The following CELF2 variants were observed in gnomAD, a reference collection of about 807,000 sequenced individuals.
CELF2 encodes CUGBP Elav-like family member 2, also known as CUG triplet repeat RNA-binding protein 2.
CELF2 carries 8 observed loss-of-function variants against 62.6 expected under a neutral mutation model. That is an observed-to-expected ratio of 0.13 (90% CI 0.07 to 0.23). The LOEUF is 0.23. Among genes scored for constraint, CELF2 ranks in the 10% least tolerant of loss-of-function variants. The probability of loss-of-function intolerance (pLI) is 1.00; values close to 1 mark genes in which losing one functional copy is unlikely to be tolerated. For synonymous variants in CELF2, 258 were observed against 250.0 expected, an observed-to-expected ratio of 1.03 and a Z score of -0.30; for missense variants, 333 against 671.0, an observed-to-expected ratio of 0.50 and a Z score of 5.56.
At chr10:11,031,684 A>G (rs1265390328) in intron 1 of CELF2, among the ~76,000 whole-genome samples, 1 of 152,164 alleles carries the variant, frequency 6.6e-6, no homozygotes, top group Non-Finnish European at 1.5e-5. Context: ...AACATTATCT[A>G]TAATTACATT....
chr10:10,485,609 A>G, the CELF2 span, among the ~76,000 whole-genome samples: 5 of 152,238 alleles, frequency 3.3e-5, no homozygotes, highest in Non-Finnish European at 4.4e-5. Context: ...TATTTGTGGC[A>G]CTAGCAGCTT....
chr10:11,197,028 A>AAAGAAAGAAGGAAAGAAG lies in CELF2; in HGVS notation c.272-20397_272-20396insAAGAAAGAAGGAAAGAAG, dbSNP rs1565231131. On this transcript the variant is annotated intron_variant, in intron 2 of 12. Transcript: ENST00000633077. ...AGAAAGAAAGAAAGAAAGAAAGAAA[A>AAAGAAAGAAGGAAAGAAG]GAAAGAAAGAAAGAAAGAAAGAAAG... is the stretch of plus-strand genomic sequence containing the variant. Among the ~76,000 whole-genome samples the AAAGAAAGAAGGAAAGAAG allele has an allele frequency of 6.7e-4, 14 of 20,982 alleles. 2 individuals are homozygous for AAAGAAAGAAGGAAAGAAG. Among genetic ancestry groups the AAAGAAAGAAGGAAAGAAG allele is most frequent in the African/African-American group, 5.4e-3 (14 of 2,598 alleles). 13.8% of individuals were successfully genotyped at this position (20,982 alleles called of 152,430 possible).
Position 10,931,481 on chromosome 10 carries a change from A to G in CELF2, c.89+11482A>G, listed in dbSNP as rs963912020. Among the ~76,000 whole-genome samples, 4 of 152,172 alleles carry G rather than the reference A, an allele frequency of 2.6e-5. No individual in the cohort carries two copies. Among genetic ancestry groups the G allele is most frequent in the African/African-American group, 9.7e-5 (4 of 41,438 alleles). On this transcript the variant is annotated intron_variant, in intron 2 of 13. Coordinates refer to the CELF2 transcript ENST00000636488. This position sits in a 1 kb window ranked among gnomAD's most constrained non-coding sequence, Gnocchi z 6.1. The stretch of plus-strand genomic sequence containing the variant: ...AAGTGGAAACTCTATTTACCACCAC[A>G]GTTATAGCATTTGAGACCCTCCCTC...
chr10:11,133,510 GGGAAAGTTGTACATAC>G (rs1276203211), intron 1 of CELF2, among the ~76,000 whole-genome samples: 1 of 152,174 alleles, frequency 6.6e-6, no homozygotes, highest in African/African-American at 2.4e-5. Flanking sequence ...TCATTGTAAA[GGGAAAGTTGTACATAC>G]GTATACAAGA....
chr10:10,849,778 C>T (rs1237645767), intron 1 of CELF2, among the ~76,000 whole-genome samples: 3 of 151,564 alleles, frequency 2.0e-5, no homozygotes, highest in Non-Finnish European at 2.9e-5. Context: ...TCTTTGTGCA[C>T]GTGTATGTGT....
the CELF2 span, among the ~76,000 whole-genome samples, chr10:10,535,172 T>G: frequency 6.2e-4 from 95 of 152,230 alleles, no homozygotes; most frequent in Admixed American, 1.5e-3. Flanking sequence ...CAACAGCACT[T>G]GATGAGTCTC....
chr10:10,890,383 G>C (rs1372485365), intron 1 of CELF2, among the ~76,000 whole-genome samples: 1 of 152,028 alleles, frequency 6.6e-6, no homozygotes, highest in Non-Finnish European at 1.5e-5. Context: ...ACCAGCTGCT[G>C]GTCTAGACCA....
At chr10:11,030,999 C>T (rs753276456) in intron 1 of CELF2, 9 of 152,146 alleles carry the variant, frequency 5.9e-5, no homozygotes, top group Non-Finnish European at 1.2e-4. Context: ...TTTATGATAA[C>T]GGTATATTTT....
the CELF2 span, among the ~76,000 whole-genome samples, chr10:10,514,816 C>G: frequency 2.0e-5 from 3 of 152,082 alleles, no homozygotes; most frequent in Non-Finnish European, 2.9e-5. Context: ...ATGGGTTAAA[C>G]AGAGAATGAA....
chr10:11,281,665 A>G (rs2088831797), intron 8 of CELF2, among the ~76,000 whole-genome samples: 1 of 152,152 alleles, frequency 6.6e-6, no homozygotes, highest in African/African-American at 2.4e-5. Context: ...AGGTAGGAGG[A>G]TCGCTTGAGC....
the CELF2 span, among the ~76,000 whole-genome samples, chr10:10,515,538 G>T: frequency 6.6e-6 from 1 of 152,122 alleles, no homozygotes; most frequent in Non-Finnish European, 1.5e-5. Context: ...GAGCAAAAAG[G>T]ATCATTTGAA....
chr10:10,933,332 A>G (rs1369543702), intron 2 of CELF2, among the ~76,000 whole-genome samples: 1 of 152,156 alleles, frequency 6.6e-6, no homozygotes, highest in Non-Finnish European at 1.5e-5. Context: ...ATAGTTATAC[A>G]TATTTATGTG....
the CELF2 span, among the ~76,000 whole-genome samples, chr10:10,713,665 C>G: frequency 1.3e-5 from 2 of 152,220 alleles, no homozygotes; most frequent in Non-Finnish European, 2.9e-5. Context: ...TTGATTACCT[C>G]TAAGACCTAT....
the CELF2 span, among the ~76,000 whole-genome samples, chr10:10,777,305 C>T: frequency 3.3e-5 from 5 of 152,188 alleles, no homozygotes; most frequent in Admixed American, 6.5e-5. Context: ...CATCCTCATA[C>T]AGATGTCCCA....
At chr10:11,180,654 A>T (rs1417250855) in intron 2 of CELF2, among the ~76,000 whole-genome samples, 2 of 152,184 alleles carry the variant, frequency 1.3e-5, no homozygotes, top group Non-Finnish European at 2.9e-5. Flanking sequence ...TAGTATTGAC[A>T]ATAAGAATAA....
chr10:10,689,092 G>A, the CELF2 span, among the ~76,000 whole-genome samples: 16 of 152,240 alleles, frequency 1.1e-4, no homozygotes, highest in African/African-American at 3.6e-4. Context: ...GTTACCTTTT[G>A]TATTAGTCCA....
At chr10:10,893,497 G>A (rs117672161) in intron 1 of CELF2, among the ~76,000 whole-genome samples, 2,788 of 152,268 alleles carry the variant, frequency 0.018, 40 homozygotes, top group Middle Eastern at 0.048. Flanking sequence ...CTATGGCTTC[G>A]TCTACTGTAC....
chr10:11,014,627 T>C (rs979631246), upstream of CELF2, among the ~76,000 whole-genome samples: 1 of 151,060 alleles, frequency 6.6e-6, no homozygotes. Context: ...TTGAGTGTGT[T>C]TTTTTTTTAA....
rs188763083 is a variant in CELF2, at chr10:11,224,202, G to A, written c.354+6695G>A. On this transcript the variant is annotated intron_variant, in intron 3 of 12. Coordinates refer to ENST00000633077, the MANE Select transcript of CELF2 (RefSeq NM_001326342.2). The surrounding 1 kb of genome is among the most constrained non-coding windows in gnomAD (Gnocchi z 4.5). ...CCAGTGGAAGGCAATGTTTAGTTTT[G>A]CAAACAACGTAGTCTCAGCTATATC... is the stretch of plus-strand genomic sequence containing the variant. 1.8e-3 allele frequency among the ~76,000 whole-genome samples: 276 copies of A among 152,296 alleles called. 1 individual carries two copies. The highest frequency in any genetic ancestry group is 6.4e-3 in the African/African-American group (265 of 41,562).
Sources: allele counts gnomAD v4.1 joint callset (sites outside exome capture counted in the v4.1 genomes callset), GRCh38; gene constraint gnomAD v4.1.1; non-coding constraint Gnocchi (gnomAD v3.1); transcripts MANE v1.5; gene names NCBI Gene and HGNC (gene_info 2026-07-23, HGNC 2026-07-21).